GRM8: variants seen among roughly 807,000 people sequenced by gnomAD.
The protein encoded by GRM8 is metabotropic glutamate receptor 8.
A neutral mutation model predicts 87.2 loss-of-function variants in GRM8; 47 were observed. The ratio of observed to expected loss-of-function variants is 0.54; its 90% CI spans 0.43 to 0.69. The LOEUF is 0.69. GRM8 is among the 30% of genes least tolerant of loss of function. GRM8 has a pLI of 0.00. For missense variants in GRM8, 1,019 were observed against 1,139.2 expected (o/e 0.89, Z 1.52); for synonymous variants, 396 against 404.5 (o/e 0.98, Z 0.25).
In GRM8 at chr7:127,133,665, C is replaced by G. The variant is rs1417814640; in HGVS notation, c.511-26953G>C. Among the ~76,000 whole-genome samples the G allele has an allele frequency of 5.5e-5, 8 of 146,208 alleles. No individual in the cohort carries two copies. The East Asian group carries it at 1.4e-3, about 26-fold the overall frequency. ...AGCTTGCAGTGAGCCGAGATCGCGCCACTGCACTCCAGCCTGGGCGACAGA... is the reference window on the plus strand; with the variant it reads ...AGCTTGCAGTGAGCCGAGATCGCGCGACTGCACTCCAGCCTGGGCGACAGA... On this transcript the variant is annotated intron_variant, in intron 2 of 10. Coordinates refer to ENST00000339582, the MANE Select transcript of GRM8 (RefSeq NM_000845.3).
At chr7:127,058,713 T>G (rs3779539) in intron 3 of GRM8, among the ~76,000 whole-genome samples, 12,153 of 151,862 alleles carry the variant, frequency 0.08, 526 homozygotes, top group South Asian at 0.13. Context: ...GGCTGGAGGG[T>G]GTGTTGAAAG....
At chr7:126,821,222 T>A (rs928704550) in intron 6 of GRM8, among the ~76,000 whole-genome samples, 2 of 152,208 alleles carry the variant, frequency 1.3e-5, no homozygotes, top group Non-Finnish European at 2.9e-5. Flanking sequence ...GATTTCACCC[T>A]TTGTTTCCTA....
chr7:126,555,899 T>C (rs1793084547), intron 8 of GRM8, among the ~76,000 whole-genome samples: 1 of 152,172 alleles, frequency 6.6e-6, no homozygotes, highest in South Asian at 2.1e-4. Flanking sequence ...TGATTGACTG[T>C]AAAAGGACAT....
intron 6 of GRM8, among the ~76,000 whole-genome samples, chr7:126,779,504 C>T (rs2151634870): frequency 6.6e-6 from 1 of 151,944 alleles, no homozygotes. Flanking sequence ...CTAATTAAAC[C>T]AGTTCAAAAA....
intron 3 of GRM8, among the ~76,000 whole-genome samples, chr7:127,001,734 A>G: frequency 6.6e-6 from 1 of 151,576 alleles, no homozygotes; most frequent in Admixed American, 6.6e-5. Context: ...CCCTGCCACA[A>G]TAACCATATC....
chr7:126,544,603 C>T (rs1562941618), intron 8 of GRM8, among the ~76,000 whole-genome samples: 3 of 152,150 alleles, frequency 2.0e-5, no homozygotes, highest in South Asian at 2.1e-4. Context: ...CTCCGCCTCC[C>T]GGGTTCAGAC....
At chr7:126,643,648 T>C (rs1802720361) in intron 7 of GRM8, among the ~76,000 whole-genome samples, 1 of 151,998 alleles carries the variant, frequency 6.6e-6, no homozygotes, top group Non-Finnish European at 1.5e-5. Context: ...CTGTGTTTAA[T>C]TAAAGACTAA....
At chr7:126,684,547 G>A (rs969520523) in intron 7 of GRM8, among the ~76,000 whole-genome samples, 3 of 152,220 alleles carry the variant, frequency 2.0e-5, no homozygotes, top group African/African-American at 7.2e-5. Flanking sequence ...ATGGCACCAG[G>A]GCTCCATCGG....
At chr7:127,214,232 G>T (rs756649807) in intron 2 of GRM8, among the ~76,000 whole-genome samples, 1 of 152,120 alleles carries the variant, frequency 6.6e-6, no homozygotes, top group African/African-American at 2.4e-5. Context: ...GTTGACCTTG[G>T]AGTAAAAGAT....
chr7:127,130,049 A>G (rs962283736), intron 2 of GRM8, among the ~76,000 whole-genome samples: 3 of 152,200 alleles, frequency 2.0e-5, no homozygotes, highest in African/African-American at 4.8e-5. Flanking sequence ...ATGAGATCTA[A>G]TGGTTTAAAA....
chr7:126,735,579 T>C (rs538764388), intron 7 of GRM8, among the ~76,000 whole-genome samples: 3 of 152,180 alleles, frequency 2.0e-5, no homozygotes, highest in South Asian at 2.1e-4. Flanking sequence ...ATGAAAATAA[T>C]TGAACAAGTA....
At chr7:126,450,641 G>A (rs1802518080) in intron 9 of GRM8, among the ~76,000 whole-genome samples, 2 of 150,858 alleles carry the variant, frequency 1.3e-5, no homozygotes, top group South Asian at 2.1e-4. Context: ...TTTTTTTAAA[G>A]ATGAAGAAGT....
rs1585517557 is a variant in GRM8 at position 126,685,788 on chromosome 7, A to G, written c.1358-76290T>C. Among the ~76,000 whole-genome samples the G allele has an allele frequency of 6.6e-6, 1 of 152,030 alleles. No homozygotes were observed. The highest frequency in any genetic ancestry group is 1.5e-5 in the Non-Finnish European group (1 of 67,912). Reference sequence around the variant, plus strand: ...AACGGTCTGGGTGCGATGAATGGTGACAGGCGGCAGACAGGCTCCTGGGCA... The same window carrying G: ...AACGGTCTGGGTGCGATGAATGGTGGCAGGCGGCAGACAGGCTCCTGGGCA... On this transcript the variant is annotated intron_variant, in intron 7 of 10. Transcript: ENST00000339582. This position sits in a 1 kb window ranked among gnomAD's most constrained non-coding sequence, Gnocchi z 4.2.
chr7:127,215,075 T>A (rs946338254), intron 2 of GRM8: 1 of 152,180 alleles, frequency 6.6e-6, no homozygotes, highest in African/African-American at 2.4e-5. Flanking sequence ...AAACTTTTCA[T>A]TGTGAAGTCA....
intron 7 of GRM8, among the ~76,000 whole-genome samples, chr7:126,660,028 G>A (rs1200958328): frequency 6.6e-6 from 1 of 152,116 alleles, no homozygotes. Context: ...TTCTTCAAGA[G>A]GGGAGGCCTT....
At chr7:126,570,931 TA>T (rs986605544) in intron 8 of GRM8, among the ~76,000 whole-genome samples, 1 of 152,230 alleles carries the variant, frequency 6.6e-6, no homozygotes, top group African/African-American at 2.4e-5. Flanking sequence ...GATATTCAAA[TA>T]CCATTTCTGT....
chr7:127,230,684 G>A (rs1444733702), intron 2 of GRM8, among the ~76,000 whole-genome samples: 1 of 152,156 alleles, frequency 6.6e-6, no homozygotes, highest in African/African-American at 2.4e-5. Context: ...ACAGGAGAGA[G>A]CTTTTCTTAT....
At chr7:126,734,935 G>C (rs1279402776) in intron 7 of GRM8, among the ~76,000 whole-genome samples, 1 of 151,966 alleles carries the variant, frequency 6.6e-6, no homozygotes, top group Non-Finnish European at 1.5e-5. Flanking sequence ...GGGAGGGTTT[G>C]CTTATTTATA....
chr7:126,967,496 T>A (rs1361670560), intron 3 of GRM8, among the ~76,000 whole-genome samples: 1 of 151,832 alleles, frequency 6.6e-6, no homozygotes, highest in Non-Finnish European at 1.5e-5. Context: ...TGTGCAAGAA[T>A]AAATGCCTCA....
Sources: gnomAD v4.1 joint callset for allele counts (sites outside exome capture counted in the v4.1 genomes callset) on GRCh38, gnomAD v4.1.1 for gene constraint, Gnocchi (gnomAD v3.1) non-coding constraint, MANE v1.5 for transcripts, NCBI Gene and HGNC (gene_info 2026-07-23, HGNC 2026-07-21) for gene names.